CCDC141: variants seen among roughly 807,000 people sequenced by gnomAD.
CCDC141 encodes the protein coiled-coil domain-containing protein 141.
A neutral mutation model predicts 181.0 loss-of-function variants in CCDC141; 168 were observed. That is an observed-to-expected ratio of 0.93 (90% confidence interval 0.82 to 1.05). CCDC141 has a LOEUF of 1.05. CCDC141 is among the 50% of genes least tolerant of loss of function. The pLI is 0.00. For missense variants in CCDC141, 1,902 were observed against 1,788.5 expected (o/e 1.06, Z -1.14); for synonymous variants, 666 against 642.3 (o/e 1.04, Z -0.56).
At chr2:178,839,283 C>T (rs1369045963) in intron 22 of CCDC141, among the ~76,000 whole-genome samples, 6 of 151,708 alleles carry the variant, frequency 4.0e-5, no homozygotes, top group East Asian at 1.9e-4. Context: ...CGTGGTGGTG[C>T]GCACCTGCAG....
chr2:178,818,543 C>G, the CCDC141 span, among the ~76,000 whole-genome samples: 2 of 152,128 alleles, frequency 1.3e-5, no homozygotes, highest in Non-Finnish European at 2.9e-5. Context: ...GTTTTCTGTT[C>G]CTGTGTTAGT....
chr2:178,868,147 C>A lies in CCDC141; in HGVS notation c.2453G>T (p.Gly818Val). 2 of 1,613,996 alleles carry A rather than the reference C, an allele frequency of 1.2e-6. No homozygotes were observed. The highest frequency in any genetic ancestry group is 1.7e-6 in the Non-Finnish European group (2 of 1,179,902). Reference sequence around the variant, plus strand: ...GTGAATCTGCACATCATGGGCATCACCCAGTTCCTTCGGCTGCTCTACAAA... The same window carrying A: ...GTGAATCTGCACATCATGGGCATCAACCAGTTCCTTCGGCTGCTCTACAAA... ...LEFVEQPKEL[G>V]DAHDVQIHLR... Residue 818 changes from glycine to valine, a missense_variant, in exon 16 of 24, where the codon GGT (glycine) becomes GTT (valine). Gly to Val is a moderately radical substitution (Grantham distance 109). Transcript: ENST00000443758.
intron 10 of CCDC141, 21 bp from the exon 11 acceptor site, chr2:178,885,113 A>C (rs1430033605): frequency 2.0e-6 from 3 of 1,523,216 alleles, no homozygotes; most frequent in Non-Finnish European, 2.7e-6. Flanking sequence ...AAAGCACTGG[A>C]GGTCAGAAAC....
chr2:179,014,534 C>G (rs1016280638), intron 2 of CCDC141, among the ~76,000 whole-genome samples: 2 of 151,984 alleles, frequency 1.3e-5, no homozygotes, highest in African/African-American at 4.8e-5. Context: ...TGACAAAGGA[C>G]TAATATCCAG....
chr2:178,842,965 T>TCG (rs1684787711), intron 22 of CCDC141, among the ~76,000 whole-genome samples: 1 of 151,766 alleles, frequency 6.6e-6, no homozygotes, highest in Admixed American at 6.6e-5. Context: ...ATCAGGATTA[T>TCG]TGTGTGTGTG....
At chr2:179,001,689 G>A (rs1268881381) in intron 2 of CCDC141, 1 of 152,248 alleles carries the variant, frequency 6.6e-6, no homozygotes, top group Non-Finnish European at 1.5e-5. Flanking sequence ...ACATTACGGA[G>A]TTTGATGTAA....
At chr2:178,962,879 T>C (rs1385337540) in intron 4 of CCDC141, among the ~76,000 whole-genome samples, 1 of 152,168 alleles carries the variant, frequency 6.6e-6, no homozygotes, top group Non-Finnish European at 1.5e-5. Flanking sequence ...GACCCTGAAC[T>C]TTTCACTATG....
At chr2:178,990,628 T>C (rs1201156932) in intron 2 of CCDC141, among the ~76,000 whole-genome samples, 1 of 128,544 alleles carries the variant, frequency 7.8e-6, no homozygotes, top group African/African-American at 3.0e-5. Context: ...GGGAAGGGAA[T>C]GGAAGGGAAG....
chr2:179,005,610 C>T (rs2042102536), intron 2 of CCDC141, among the ~76,000 whole-genome samples: 1 of 152,030 alleles, frequency 6.6e-6, no homozygotes. Context: ...TGCTTCAATA[C>T]TGTGTTTGTG....
intron 7 of CCDC141, among the ~76,000 whole-genome samples, chr2:178,912,822 G>A (rs915618429): frequency 6.6e-6 from 1 of 152,074 alleles, no homozygotes; most frequent in Non-Finnish European, 1.5e-5. Context: ...TACATTCCTG[G>A]CGAATTGAAT....
At chr2:178,840,273 A>T (rs1684667532) in intron 22 of CCDC141, among the ~76,000 whole-genome samples, 1 of 152,190 alleles carries the variant, frequency 6.6e-6, no homozygotes, top group Non-Finnish European at 1.5e-5. Flanking sequence ...GCGCCACAAG[A>T]TCCTTCATAG....
chr2:178,995,191 G>A (rs1349865479), intron 2 of CCDC141, among the ~76,000 whole-genome samples: 1 of 152,160 alleles, frequency 6.6e-6, no homozygotes, highest in African/African-American at 2.4e-5. Context: ...AGACATAACT[G>A]AGACAGGGAA....
chr2:178,837,041 T>C lies in CCDC141; in HGVS notation c.4178A>G (p.Lys1393Arg). The change falls in exon 23 of 24, where the codon AAA becomes AGA. Residue 1393 changes from lysine (K) to arginine (R), a missense_variant. Physicochemically the swap from Lys to Arg is conservative, Grantham distance 26 (BLOSUM62 2). Transcript: ENST00000443758. The stretch of plus-strand genomic sequence containing the variant: ...CACGCTGCTCTTTGCTGATGTGCTT[T>C]TAATCTCTTCTCGAGGAACCATTTG... Reference protein sequence around the residue: ...QRQMVPREEIKSTSAKSSVVS... With the variant: ...QRQMVPREEIRSTSAKSSVVS... 1 of 1,614,050 alleles carries C rather than the reference T, an allele frequency of 6.2e-7. No homozygotes were observed. Among genetic ancestry groups the C allele is most frequent in the Non-Finnish European group, 8.5e-7 (1 of 1,179,960 alleles).
rs1241567602 is a variant in CCDC141 at position 179,049,870 on chromosome 2, C to T, written c.72G>A (p.Gly24=). 1 of 1,550,702 alleles carries T rather than the reference C, an allele frequency of 6.4e-7. No homozygotes were observed. The highest frequency in any genetic ancestry group is 1.2e-5 in the South Asian group (1 of 84,050). ...TGACAGCTATAACGATTTTGGAGTC[C>T]CCAGCCTGCACAGCAACTGAACTGA... The part of the protein sequence containing the change: ...TTVSSVAVQA[G]DSKIVIAVIK... The change falls in exon 1 of 24, where the codon GGG becomes GGA. Residue 24 remains glycine, a synonymous_variant. Coordinates refer to ENST00000443758, the MANE Select transcript of CCDC141 (RefSeq NM_173648.4).
chr2:179,009,159 A>C (rs927240367), intron 2 of CCDC141, among the ~76,000 whole-genome samples: 1 of 152,132 alleles, frequency 6.6e-6, no homozygotes, highest in Admixed American at 6.5e-5. Context: ...TGGCAAAATC[A>C]TCTCTGAGGA....
At chr2:178,943,963 A>G (rs1051943850) in intron 6 of CCDC141, among the ~76,000 whole-genome samples, 5 of 152,200 alleles carry the variant, frequency 3.3e-5, no homozygotes, top group Non-Finnish European at 7.4e-5. Context: ...AAAGAGCAAA[A>G]GACATGTAAA....
At chr2:178,823,546 T>C in the CCDC141 span, among the ~76,000 whole-genome samples, 1 of 152,204 alleles carries the variant, frequency 6.6e-6, no homozygotes, top group African/African-American at 2.4e-5. Flanking sequence ...CTAGATTCAG[T>C]ACTTTTATGG....
chr2:178,888,008 T>C (rs1298675855), intron 9 of CCDC141, among the ~76,000 whole-genome samples: 2 of 152,228 alleles, frequency 1.3e-5, no homozygotes, highest in East Asian at 3.8e-4. Context: ...GAGAGGATTT[T>C]CACATGTATG....
At chr2:178,891,445 A>C (rs757470318) in intron 8 of CCDC141, among the ~76,000 whole-genome samples, 13 of 152,128 alleles carry the variant, frequency 8.5e-5, no homozygotes, top group Non-Finnish European at 1.6e-4. Context: ...GGTCTATGAC[A>C]CATGATGTGG....
Sources: gnomAD v4.1 joint callset for allele counts (sites outside exome capture counted in the v4.1 genomes callset) on GRCh38, gnomAD v4.1.1 for gene constraint, MANE v1.5 for transcripts, NCBI Gene and HGNC (gene_info 2026-07-23, HGNC 2026-07-21) for gene names.